Variants in RAPGEF4 observed in about 807,000 individuals in gnomAD.
RAPGEF4 encodes RAP guanine-nucleotide-exchange factor (GEF) 4.
Under a neutral mutation model 147.9 loss-of-function variants are expected in RAPGEF4, and 66 were observed. The ratio of observed to expected loss-of-function variants is 0.45; its 90% CI spans 0.37 to 0.55. The LOEUF is 0.55. Among genes scored for constraint, RAPGEF4 ranks in the 20% least tolerant of loss-of-function variants. RAPGEF4 has a pLI of 0.00. For missense variants in RAPGEF4, 1,071 were observed against 1,257.3 expected (o/e 0.85, Z 2.24); for synonymous variants, 419 against 442.7 (o/e 0.95, Z 0.67).
intron 10 of RAPGEF4, among the ~76,000 whole-genome samples, chr2:172,970,273 A>G (rs1690327523): frequency 6.6e-6 from 1 of 151,388 alleles, no homozygotes; most frequent in Non-Finnish European, 1.5e-5. Context: ...AAGAATTGCC[A>G]GTATCACTAC....
At chr2:173,031,576 T>G (rs543112768) in intron 26 of RAPGEF4, among the ~76,000 whole-genome samples, 5 of 152,254 alleles carry the variant, frequency 3.3e-5, no homozygotes, top group African/African-American at 7.2e-5. Flanking sequence ...AGGCCAGGTG[T>G]GGGTACCACA....
intron 4 of RAPGEF4, among the ~76,000 whole-genome samples, chr2:172,814,983 A>G (rs557599768): frequency 2.0e-4 from 31 of 152,348 alleles, no homozygotes; most frequent in African/African-American, 5.8e-4. Context: ...GCATTTATCA[A>G]TGCTTACCAG....
chr2:172,801,446 A>C (rs1686966587), intron 3 of RAPGEF4, among the ~76,000 whole-genome samples: 1 of 152,084 alleles, frequency 6.6e-6, no homozygotes, highest in South Asian at 2.1e-4. Context: ...CAAACTTAGC[A>C]CTAGGTTTCA....
Position 173,026,576 on chromosome 2 carries a change from C to A in RAPGEF4, c.2258C>A (p.Pro753His), listed in dbSNP as rs760025262. ...TTTTTGCATTATTATTCATAGACTC[C>A]CTTACCAGAACAGGAAGGCCCAACT... ...CPREQFDSLT[P>H]LPEQEGPTVG... Residue 753 changes from proline (P) to histidine (H), a missense_variant, in exon 24 of 31, where the codon CCC becomes CAC. By Grantham distance (77) the Pro-to-His change is moderately conservative. Coordinates refer to ENST00000397081, the MANE Select transcript of RAPGEF4 (RefSeq NM_007023.4). 2.5e-6 allele frequency: 4 copies of A among 1,613,052 alleles called. No individual in the cohort carries two copies. Among genetic ancestry groups the A allele is most frequent in the Non-Finnish European group, 3.4e-6 (4 of 1,179,568 alleles).
Position 172,889,274 on chromosome 2 carries a change from T to C in RAPGEF4, c.445-28528T>C, listed in dbSNP as rs62174618. Among the ~76,000 whole-genome samples the C allele has an allele frequency of 2.3e-3, 344 of 152,278 alleles. 1 individual carries two copies. The highest frequency in any genetic ancestry group is 6.8e-3 in the Middle Eastern group (2 of 294). ...GTCGCCTTTCAAGTTAATGGGCTTT[T>C]AACATCCTTTTGGCATGTTTTATAA... On this transcript the variant is annotated intron_variant, in intron 4 of 30. Coordinates refer to ENST00000397081, the MANE Select transcript of RAPGEF4 (RefSeq NM_007023.4).
At position 172,927,259 on chromosome 2, in the gene RAPGEF4, A is replaced by T. The variant is rs187646783; in HGVS notation, c.537+4959A>T. On this transcript the variant is annotated intron_variant, in intron 6 of 30. Transcript: ENST00000397081. ...GCAGTAGAATAATAAGAACCTTTTG[A>T]CTGTGAGGGTCAAAAGGTTAGGAAT... Among the ~76,000 whole-genome samples, 5 of 152,334 alleles carry T rather than the reference A, an allele frequency of 3.3e-5. No individual in the cohort carries two copies. The East Asian group carries it at 9.6e-4, about 29-fold the overall frequency.
chr2:173,013,757 C>G (rs918273241), intron 17 of RAPGEF4, among the ~76,000 whole-genome samples: 1 of 152,170 alleles, frequency 6.6e-6, no homozygotes, highest in Non-Finnish European at 1.5e-5. Context: ...AAATGACCAT[C>G]ATCCCAAGCC....
In RAPGEF4 at chr2:172,960,808, A is replaced by G; in HGVS notation, c.586A>G (p.Thr196Ala). 6.2e-7 allele frequency: 1 copy of G among 1,604,998 alleles called. No individual in the cohort carries two copies. Among genetic ancestry groups the G allele is most frequent in the Non-Finnish European group, 8.5e-7 (1 of 1,174,690 alleles). ...TCCTCTTCGTCCTGCTAACACCATT[A>G]CCAAGGTAATGGGATGTAGGTGGGT... ...HVPLRPANTI[T>A]KVPSEKILRA... is the part of the protein sequence containing the mutation. Residue 196 changes from threonine to alanine, a missense_variant, in exon 7 of 31, where the codon ACC becomes GCC. Physicochemically the swap from Thr to Ala is moderately conservative, Grantham distance 58 (BLOSUM62 0). Transcript: ENST00000397081.
intron 4 of RAPGEF4, among the ~76,000 whole-genome samples, chr2:172,892,903 T>C (rs1057454696): frequency 1.3e-5 from 2 of 152,250 alleles, no homozygotes; most frequent in African/African-American, 4.8e-5. Flanking sequence ...TCTGCATGCA[T>C]TGGTCCAACT....
chr2:172,779,051 T>C (rs559427200), intron 1 of RAPGEF4, among the ~76,000 whole-genome samples: 2 of 152,240 alleles, frequency 1.3e-5, no homozygotes, highest in Non-Finnish European at 2.9e-5. Context: ...TGATTATACA[T>C]TCTCATGTAC....
In RAPGEF4 at chr2:173,036,227, A is replaced by G; in HGVS notation, c.2788+15A>G. Reference sequence around the variant, plus strand: ...GCTCATTAAAGGTAATCCTAATAAGATGCACAGGCCAAGCAGGTGATGAGT... The same window carrying G: ...GCTCATTAAAGGTAATCCTAATAAGGTGCACAGGCCAAGCAGGTGATGAGT... On this transcript the variant is annotated intron_variant, in intron 28 of 30. Coordinates refer to ENST00000397081, the MANE Select transcript of RAPGEF4 (RefSeq NM_007023.4). The G allele has an allele frequency of 6.4e-7, 1 of 1,557,626 alleles. No individual in the cohort carries two copies. The highest frequency in any genetic ancestry group is 1.1e-5 in the South Asian group (1 of 89,872).
chr2:172,957,066 T>C (rs994749627), intron 6 of RAPGEF4, among the ~76,000 whole-genome samples: 4 of 152,180 alleles, frequency 2.6e-5, no homozygotes, highest in Admixed American at 6.5e-5. Context: ...CTCTAAGCAA[T>C]TCCAGTTATT....
At chr2:172,821,962 C>T (rs374474885) in intron 4 of RAPGEF4, 408 of 1,613,312 alleles carry the variant, frequency 2.5e-4, no homozygotes, top group Non-Finnish European at 3.2e-4. Context: ...AAAAGAAGGA[C>T]GTATGCTCTA....
intron 1 of RAPGEF4, among the ~76,000 whole-genome samples, chr2:172,789,649 C>G (rs979201893): frequency 1.3e-5 from 2 of 152,184 alleles, no homozygotes; most frequent in African/African-American, 4.8e-5. Context: ...CTGGTAGCCA[C>G]CATTCCACTC....
intron 8 of RAPGEF4, among the ~76,000 whole-genome samples, chr2:172,961,517 A>G (rs1355461822): frequency 6.6e-6 from 1 of 152,202 alleles, no homozygotes; most frequent in East Asian, 1.9e-4. Flanking sequence ...TAGGAAGCCT[A>G]CTAGATTTAG....
At chr2:173,032,092 G>T (rs1280917291) in intron 26 of RAPGEF4, among the ~76,000 whole-genome samples, 1 of 152,094 alleles carries the variant, frequency 6.6e-6, no homozygotes, top group Admixed American at 6.6e-5. Context: ...AAAACTGAGG[G>T]GGAAGATCAA....
chr2:173,020,498 A>G, intron 22 of RAPGEF4, 120 bp from the exon 23 acceptor site: 1 of 825,912 alleles, frequency 1.2e-6, no homozygotes, highest in Non-Finnish European at 2.1e-6. Flanking sequence ...ACTCTATTTT[A>G]TGCAGTCACT....
chr2:172,852,579 C>A (rs2676511), intron 4 of RAPGEF4, among the ~76,000 whole-genome samples: 102,331 of 151,830 alleles, frequency 0.67, 34,759 homozygotes, highest in East Asian at 0.85. Flanking sequence ...TGTTATGTGC[C>A]AATAATGGGA....
chr2:172,834,630 T>C (rs1395256607), intron 4 of RAPGEF4, among the ~76,000 whole-genome samples: 1 of 152,334 alleles, frequency 6.6e-6, no homozygotes, highest in Non-Finnish European at 1.5e-5. Flanking sequence ...CTTCTTCTAA[T>C]TGGAACATTT....
Sources: allele counts gnomAD v4.1 joint callset (sites outside exome capture counted in the v4.1 genomes callset), GRCh38; gene constraint gnomAD v4.1.1; transcripts MANE v1.5; gene names NCBI Gene and HGNC (gene_info 2026-07-23, HGNC 2026-07-21).